ZFR: variants seen among roughly 807,000 people sequenced by gnomAD.
The protein encoded by ZFR is zinc finger RNA binding protein, also known as zinc finger RNA-binding protein.
A neutral mutation model predicts 130.7 loss-of-function variants in ZFR; 19 were observed. The ratio of observed to expected loss-of-function variants is 0.15; its 90% CI spans 0.10 to 0.21. ZFR has a LOEUF of 0.21. Among genes scored for constraint, ZFR ranks in the 10% least tolerant of loss-of-function variants. ZFR has a pLI of 1.00. For synonymous variants in ZFR, 466 were observed against 456.9 expected (o/e 1.02, Z -0.25); for missense variants, 872 against 1,321.5 (o/e 0.66, Z 5.27).
chr5:32,383,879 T>C (rs1205610006), intron 15 of ZFR: 4 of 448,434 alleles, frequency 8.9e-6, no homozygotes, highest in African/African-American at 8.0e-5. Flanking sequence ...ATCCAACTTT[T>C]CAGCTCAGTG....
At chr5:32,407,889 T>C (rs908759406) in intron 5 of ZFR, among the ~76,000 whole-genome samples, 1 of 152,192 alleles carries the variant, frequency 6.6e-6, no homozygotes, top group African/African-American at 2.4e-5. Context: ...AGACGGGGTT[T>C]CGCCACGTTG....
chr5:32,357,314 G>A (rs1209376847), intron 19 of ZFR, among the ~76,000 whole-genome samples: 2 of 152,124 alleles, frequency 1.3e-5, no homozygotes, highest in Non-Finnish European at 2.9e-5. Context: ...TGCCCAGGTT[G>A]GAGTGCAGTG....
chr5:32,382,838 G>A (rs1752962177), intron 15 of ZFR, among the ~76,000 whole-genome samples: 1 of 152,090 alleles, frequency 6.6e-6, no homozygotes. Context: ...TAAATTTAGT[G>A]TGGATTTTTG....
At position 32,444,609 on chromosome 5, in the gene ZFR, A is replaced by C; in HGVS notation, c.37+13T>G. On this transcript the variant is annotated intron_variant, in intron 1 of 19. Transcript: ENST00000265069. ...GGGCCGGGCAGAGGCCTCGCGGGCC[A>C]CATTAGACTCACCATAGGTGAAAGA... 1 of 1,492,554 alleles carries C rather than the reference A, an allele frequency of 6.7e-7. No homozygotes were observed. The highest frequency in any genetic ancestry group is 8.9e-7 in the Non-Finnish European group (1 of 1,122,410). 92.5% of individuals were successfully genotyped at this position (1,492,554 alleles called of 1,614,324 possible).
chr5:32,431,112 C>G (rs1754203975), intron 2 of ZFR, among the ~76,000 whole-genome samples: 1 of 151,976 alleles, frequency 6.6e-6, no homozygotes, highest in African/African-American at 2.4e-5. Context: ...TTTTTTTAGA[C>G]CCACGCTAAT....
chr5:32,415,497 TGTGTGTGTGTGTGTGTGTGCGCGC>T (rs1237356034), intron 4 of ZFR, among the ~76,000 whole-genome samples: 5 of 101,734 alleles, frequency 4.9e-5, no homozygotes, highest in Admixed American at 1.9e-4. Context: ...TGTGTGTGTG[TGTGTGTGTGTGTGTGTGTGCGCGC>T]GCGCGCGCGC....
intron 17 of ZFR, chr5:32,364,804 G>A (rs1455047671): frequency 6.6e-6 from 1 of 152,022 alleles, no homozygotes; most frequent in Non-Finnish European, 1.5e-5. Flanking sequence ...GTTTTGAAGG[G>A]TCTCATGATA....
chr5:32,436,530 T>C (rs944186294), intron 2 of ZFR, among the ~76,000 whole-genome samples: 44 of 152,334 alleles, frequency 2.9e-4, no homozygotes, highest in Non-Finnish European at 2.4e-4. Flanking sequence ...GGCACTGTAC[T>C]TTCTCTAGTT....
At chr5:32,356,027 T>G in intron 19 of ZFR, 88 bp from the exon 20 acceptor site, 1 of 1,015,680 alleles carries the variant, frequency 9.8e-7, no homozygotes, top group South Asian at 2.3e-5. Flanking sequence ...AAATGCAACC[T>G]AAAAAAGCAT....
intron 5 of ZFR, among the ~76,000 whole-genome samples, chr5:32,408,058 T>A (rs1753616072): frequency 6.6e-6 from 1 of 152,208 alleles, no homozygotes; most frequent in Non-Finnish European, 1.5e-5. Flanking sequence ...TTTATTTTTA[T>A]AACTAAGTAG....
intron 2 of ZFR, among the ~76,000 whole-genome samples, chr5:32,429,342 G>C (rs1754150733): frequency 6.6e-6 from 1 of 152,080 alleles, no homozygotes; most frequent in African/African-American, 2.4e-5. Flanking sequence ...TATCAGTCTT[G>C]CTCTGGGTAA....
intron 19 of ZFR, among the ~76,000 whole-genome samples, chr5:32,360,856 T>A (rs1168972302): frequency 3.3e-5 from 5 of 152,172 alleles, no homozygotes; most frequent in Non-Finnish European, 5.9e-5. Context: ...CCTCGCAAAC[T>A]GTTCGGATTA....
intron 16 of ZFR, 70 bp downstream of exon 16, chr5:32,380,005 A>C: frequency 7.9e-7 from 1 of 1,268,242 alleles, no homozygotes; most frequent in East Asian, 2.3e-5. Flanking sequence ...GTTTAAGCAC[A>C]GTTAAACATG....
intron 17 of ZFR, among the ~76,000 whole-genome samples, chr5:32,369,404 A>G (rs1334388453): frequency 6.6e-6 from 1 of 152,142 alleles, no homozygotes; most frequent in Non-Finnish European, 1.5e-5. Context: ...TTCAACTGTT[A>G]TTTGGGCAGG....
At chr5:32,421,492 A>G (rs1488905207) in intron 2 of ZFR, among the ~76,000 whole-genome samples, 1 of 152,222 alleles carries the variant, frequency 6.6e-6, no homozygotes, top group Non-Finnish European at 1.5e-5. Context: ...TAGGAAGTTC[A>G]TATTAGATTG....
chr5:32,404,149 T>C (rs191073524), intron 6 of ZFR, 52 bp from the exon 7 acceptor site: 2 of 1,462,878 alleles, frequency 1.4e-6, no homozygotes, highest in South Asian at 2.7e-5. Context: ...CTTTACACAT[T>C]AAGATTATTC....
At chr5:32,382,683 C>A (rs1252385487) in intron 15 of ZFR, among the ~76,000 whole-genome samples, 1 of 152,024 alleles carries the variant, frequency 6.6e-6, no homozygotes. Context: ...GATCTCGGCT[C>A]ACTGCAACCT....
At chr5:32,403,873 A>G in intron 7 of ZFR, 33 bp downstream of exon 7, 1 of 1,517,412 alleles carries the variant, frequency 6.6e-7, no homozygotes, top group Non-Finnish European at 8.8e-7. Flanking sequence ...AACAGAATCA[A>G]GGCATAAGGG....
chr5:32,415,952 A>T (rs1349055778), intron 4 of ZFR, among the ~76,000 whole-genome samples: 1 of 145,806 alleles, frequency 6.9e-6, no homozygotes, highest in Non-Finnish European at 1.5e-5. Context: ...GTTAAGTAAA[A>T]GTACATTAGA....
Sources: gnomAD v4.1 joint callset for allele counts (sites outside exome capture counted in the v4.1 genomes callset) on GRCh38, gnomAD v4.1.1 for gene constraint, MANE v1.5 for transcripts, NCBI Gene and HGNC (gene_info 2026-07-23, HGNC 2026-07-21) for gene names.